The following RIMS1 variants were observed in gnomAD, a reference collection of about 807,000 sequenced individuals.
The protein encoded by RIMS1 is regulating synaptic membrane exocytosis protein 1.
Under a neutral mutation model 214.1 loss-of-function variants are expected in RIMS1, and 83 were observed. That is an observed-to-expected ratio of 0.39 (90% CI 0.32 to 0.47). The LOEUF is 0.47. RIMS1 is among the 20% of genes least tolerant of loss of function. The probability of loss-of-function intolerance (pLI) is 0.99; values close to 1 mark genes in which losing one functional copy is unlikely to be tolerated. For missense variants in RIMS1, 2,050 were observed against 2,161.8 expected, an observed-to-expected ratio of 0.95 and a Z score of 1.03; for synonymous variants, 793 against 786.8, an observed-to-expected ratio of 1.01 and a Z score of -0.13.
chr6:72,226,572 G>C (rs978526540), intron 6 of RIMS1, among the ~76,000 whole-genome samples: 1 of 151,906 alleles, frequency 6.6e-6, no homozygotes, highest in Non-Finnish European at 1.5e-5. Flanking sequence ...TGAATTACCG[G>C]AAGTTAGGAA....
intron 11 of RIMS1, among the ~76,000 whole-genome samples, chr6:72,246,739 A>T (rs2069979086): frequency 6.6e-6 from 1 of 152,198 alleles, no homozygotes; most frequent in South Asian, 2.1e-4. Context: ...TGACCAATAC[A>T]AAGAGGGAAG....
intron 1 of RIMS1, among the ~76,000 whole-genome samples, chr6:71,942,750 A>G (rs906558693): frequency 6.6e-6 from 1 of 152,086 alleles, no homozygotes; most frequent in Admixed American, 6.6e-5. Flanking sequence ...TAAAAAAAGA[A>G]TATCACATAT....
intron 2 of RIMS1, among the ~76,000 whole-genome samples, chr6:72,037,363 C>T (rs1200927803): frequency 6.6e-6 from 1 of 151,880 alleles, no homozygotes; most frequent in Admixed American, 6.6e-5. Context: ...AAATGTAATC[C>T]AGGGCTTTTG....
At chr6:71,892,739 A>G (rs1770325691) in intron 1 of RIMS1, among the ~76,000 whole-genome samples, 1 of 152,112 alleles carries the variant, frequency 6.6e-6, no homozygotes, top group Non-Finnish European at 1.5e-5. Context: ...CAACAAGACC[A>G]TTGTTTCAGG....
At chr6:72,291,911 C>T in intron 25 of RIMS1, 23 bp from the exon 26 acceptor site, 2 of 1,507,092 alleles carry the variant, frequency 1.3e-6, no homozygotes, top group South Asian at 1.2e-5. Context: ...TTGTTTCATG[C>T]CCGCTTTGCT....
chr6:72,303,793 C>G (rs189459917), intron 26 of RIMS1, among the ~76,000 whole-genome samples: 19 of 151,364 alleles, frequency 1.3e-4, no homozygotes, highest in Admixed American at 1.2e-3. Flanking sequence ...TTGAAAGTAC[C>G]ATTTTTTTAA....
chr6:72,334,064 TAAA>T (rs757615466), intron 29 of RIMS1, among the ~76,000 whole-genome samples: 5 of 151,782 alleles, frequency 3.3e-5, no homozygotes, highest in Non-Finnish European at 7.4e-5. Flanking sequence ...ATTTTTTAAT[TAAA>T]AAAATTAAGG....
In RIMS1 at chr6:71,973,883, G is replaced by A. The variant is rs890198978; in HGVS notation, c.245+4820G>A. On this transcript the variant is annotated intron_variant, in intron 2 of 33. Transcript: ENST00000521978. Reference sequence around the variant, plus strand: ...GACTCATAGGCCAGAGCCTTTACTGGTGTCCAGGCTCTTACCCACGCAGGT... The same window carrying A: ...GACTCATAGGCCAGAGCCTTTACTGATGTCCAGGCTCTTACCCACGCAGGT... 3.7e-4 allele frequency among the ~76,000 whole-genome samples: 57 copies of A among 152,158 alleles called. 2 individuals carry two copies. The highest frequency in any genetic ancestry group is 3.7e-3 in the Admixed American group (56 of 15,272).
intron 2 of RIMS1, among the ~76,000 whole-genome samples, chr6:72,030,474 G>A (rs1002511029): frequency 4.6e-5 from 7 of 152,130 alleles, no homozygotes; most frequent in Admixed American, 2.6e-4. Flanking sequence ...GAATCTAGAT[G>A]TGTTATGTTA....
At chr6:72,393,224 G>A (rs2098729406) in intron 31 of RIMS1, among the ~76,000 whole-genome samples, 1 of 151,778 alleles carries the variant, frequency 6.6e-6, no homozygotes, top group Non-Finnish European at 1.5e-5. Context: ...AAAAAGAAAA[G>A]GGAAGGTGGA....
intron 4 of RIMS1, among the ~76,000 whole-genome samples, chr6:72,100,659 A>T (rs2033328410): frequency 1.9e-5 from 1 of 52,166 alleles, no homozygotes; most frequent in Non-Finnish European, 6.1e-5. Flanking sequence ...TGTAAATTTT[A>T]TACATACTAT....
At chr6:72,152,935 A>G (rs199948665) in intron 4 of RIMS1, among the ~76,000 whole-genome samples, 4 of 122,780 alleles carry the variant, frequency 3.3e-5, no homozygotes, top group East Asian at 5.5e-4. Flanking sequence ...ATATATATGG[A>G]ATATATGTAT....
At chr6:71,930,538 C>T (rs998844740) in intron 1 of RIMS1, among the ~76,000 whole-genome samples, 1 of 151,916 alleles carries the variant, frequency 6.6e-6, no homozygotes, top group African/African-American at 2.4e-5. Context: ...AACTGAAGCC[C>T]AGCAGGTAGT....
chr6:72,128,036 A>G (rs1178040245), intron 4 of RIMS1, among the ~76,000 whole-genome samples: 2 of 152,156 alleles, frequency 1.3e-5, no homozygotes, highest in African/African-American at 2.4e-5. Context: ...GCTTTGTCCA[A>G]AGGGAAAATA....
chr6:72,023,963 A>G (rs1217314771), intron 2 of RIMS1, among the ~76,000 whole-genome samples: 1 of 152,122 alleles, frequency 6.6e-6, no homozygotes, highest in Non-Finnish European at 1.5e-5. Flanking sequence ...TGACTCCTTC[A>G]AAGACATGTC....
At chr6:72,179,343 G>A (rs1020002251) in intron 4 of RIMS1, 1 of 526,236 alleles carries the variant, frequency 1.9e-6, no homozygotes, top group Non-Finnish European at 3.4e-6. Context: ...CAGAAATGCT[G>A]AGAAAAAACC....
chr6:72,124,767 A>G (rs1018807323), intron 4 of RIMS1, among the ~76,000 whole-genome samples: 10 of 151,970 alleles, frequency 6.6e-5, no homozygotes, highest in African/African-American at 1.7e-4. Context: ...ACTTGATCCA[A>G]TCGGCTACTG....
At chr6:72,331,094 T>A (rs1212822355) in intron 28 of RIMS1, among the ~76,000 whole-genome samples, 1 of 151,766 alleles carries the variant, frequency 6.6e-6, no homozygotes, top group Non-Finnish European at 1.5e-5. Flanking sequence ...CTGCTAAAAT[T>A]GGATACCCGT....
intron 2 of RIMS1, among the ~76,000 whole-genome samples, chr6:72,030,878 T>G (rs889815561): frequency 6.6e-6 from 1 of 152,150 alleles, no homozygotes; most frequent in Non-Finnish European, 1.5e-5. Context: ...TGTTTTACTC[T>G]TCTATTGTTA....
Sources: allele counts gnomAD v4.1 joint callset (sites outside exome capture counted in the v4.1 genomes callset), GRCh38; gene constraint gnomAD v4.1.1; transcripts MANE v1.5; gene names NCBI Gene and HGNC (gene_info 2026-07-23, HGNC 2026-07-21).